LGALS1: variants seen among roughly 807,000 people sequenced by gnomAD.
The protein encoded by LGALS1 is galectin-1.
LGALS1 carries 14 observed loss-of-function variants against 14.4 expected under a neutral mutation model. The observed-to-expected ratio is 0.97, with a 90% CI of 0.64 to 1.52. The LOEUF (loss-of-function observed/expected upper bound fraction) is 1.52, where lower values mean the gene tolerates loss of function less well. LGALS1 is among the 40% of genes most tolerant of loss of function. The pLI is 0.00. For synonymous variants in LGALS1, 71 were observed against 73.4 expected (o/e 0.97, Z 0.17); for missense variants, 170 against 181.4 (o/e 0.94, Z 0.36).
In LGALS1 at chr22:37,678,555, C is replaced by T. The variant is rs11539854; in HGVS notation, c.162C>T (p.Gly54=). 33 of 1,613,502 alleles carry T rather than the reference C, an allele frequency of 2.0e-5. No individual in the cohort carries two copies. In the South Asian group the frequency reaches 2.9e-4, roughly 14 times the overall value. The change falls in exon 3 of 4, where the codon GGC becomes GGT. Residue 54 remains glycine (G), a synonymous_variant. Transcript: ENST00000215909. The part of the protein sequence containing the change: ...LHFNPRFNAH[G]DANTIVCNSK... ...TCAACCCTCGCTTCAACGCCCACGG[C>T]GACGCCAACACCATCGTGTGCAACA... is the stretch of plus-strand genomic sequence containing the variant.
In LGALS1 at chr22:37,677,137, G is replaced by A. The variant is rs549921061; in HGVS notation, c.89+72G>A. The A allele has an allele frequency of 1.6e-4, 232 of 1,435,244 alleles. No homozygotes were observed. In the African/African-American group the frequency reaches 2.9e-3, roughly 18 times the overall value. The allele number at this position is 1,435,244 out of a possible 1,614,324, so 88.9% of individuals were successfully genotyped here. A position where few individuals can be genotyped will look rare whatever the true frequency, so the allele number is the denominator to read the frequency against. On this transcript the variant is annotated intron_variant, in intron 2 of 3. Coordinates refer to ENST00000215909, the MANE Select transcript of LGALS1 (RefSeq NM_002305.4). ...CAGCAGGGAGGGCGTGGCCGGCCAA[G>A]CCCACATCTCCTCCCTGGCCGGGAG... is the stretch of plus-strand genomic sequence containing the variant.
At chr22:37,677,163 C>G in intron 2 of LGALS1, 98 bp downstream of exon 2, 2 of 1,199,378 alleles carry the variant, frequency 1.7e-6, no homozygotes, top group South Asian at 1.4e-5. Context: ...TGGCCGGGAG[C>G]GGGTTAACGG....
rs1267140401 is a variant in LGALS1 at position 37,678,483 on chromosome 22, C to G, written c.90C>G (p.Ser30Arg). 1.2e-6 allele frequency: 2 copies of G among 1,613,404 alleles called. No homozygotes were observed. Among genetic ancestry groups the G allele is most frequent in the East Asian group, 2.2e-5 (1 of 44,898 alleles). ...CTCATGCCCACCCGTTACCCCCCAG[C>G]TTCGTGCTGAACCTGGGCAAAGACA... ...VRGEVAPDAKSFVLNLGKDSN... is the reference protein window; with the variant it reads ...VRGEVAPDAKRFVLNLGKDSN... The change falls in exon 3 of 4, where the codon AGC becomes AGG. Residue 30 changes from serine to arginine, a missense_variant and splice_region_variant. Ser to Arg is a moderately radical substitution (Grantham distance 110). Coordinates refer to ENST00000215909, the MANE Select transcript of LGALS1 (RefSeq NM_002305.4).
chr22:37,679,201 G>A (rs1921547462), intron 3 of LGALS1, among the ~76,000 whole-genome samples: 1 of 149,892 alleles, frequency 6.7e-6, no homozygotes, highest in Admixed American at 6.7e-5. Context: ...GGAGACCAAA[G>A]TGGGTGGATC....
intron 2 of LGALS1, 81 bp downstream of exon 2, chr22:37,677,146 T>C (rs939135129): frequency 4.1e-5 from 56 of 1,357,348 alleles, no homozygotes; most frequent in Admixed American, 9.5e-5. Flanking sequence ...AGCCCACATC[T>C]CCTCCCTGGC....
At chr22:37,677,942 G>A (rs1375553535) in intron 2 of LGALS1, among the ~76,000 whole-genome samples, 1 of 151,792 alleles carries the variant, frequency 6.6e-6, no homozygotes, top group Non-Finnish European at 1.5e-5. Flanking sequence ...CCACCACAAC[G>A]CCCAGCTAAT....
At chr22:37,678,287 C>A in intron 2 of LGALS1, 196 bp from the exon 3 acceptor site, 1 of 714,766 alleles carries the variant, frequency 1.4e-6, no homozygotes, top group Admixed American at 2.0e-5. Flanking sequence ...CCTGTGCAGC[C>A]CCCATTGTAC....
At chr22:37,678,779 T>C (rs1207765031) in intron 3 of LGALS1, 125 bp downstream of exon 3, 13 of 912,896 alleles carry the variant, frequency 1.4e-5, no homozygotes, top group Non-Finnish European at 2.1e-5. Flanking sequence ...CCTTCCTGTG[T>C]GATGGCCAGT....
Position 37,678,113 on chromosome 22 carries a change from G to A in LGALS1, c.90-370G>A, listed in dbSNP as rs758041308. ...TATTATTATTATTATTTGTTAATTCGCCCCATAATTACTAAGCATCTTTTT... is the reference window on the plus strand; with the variant it reads ...TATTATTATTATTATTTGTTAATTCACCCCATAATTACTAAGCATCTTTTT... On this transcript the variant is annotated intron_variant, in intron 2 of 3. Transcript: ENST00000215909. Among the ~76,000 whole-genome samples, 95 of 152,170 alleles carry A rather than the reference G, an allele frequency of 6.2e-4. No homozygotes were observed. The Middle Eastern group carries it at 0.017, about 27-fold the overall frequency.
intron 2 of LGALS1, chr22:37,677,267 G>C: frequency 1.7e-6 from 1 of 594,156 alleles, no homozygotes; most frequent in East Asian, 2.8e-5. Context: ...CTCCCTCCCT[G>C]CTGTAGCCTC....
chr22:37,679,638 C>T lies in LGALS1; in HGVS notation c.297C>T (p.Val99=). 6.2e-7 allele frequency: 1 copy of T among 1,609,456 alleles called. No homozygotes were observed. Among genetic ancestry groups the T allele is most frequent in the Non-Finnish European group, 8.5e-7 (1 of 1,178,444 alleles). Residue 99 remains valine (V), a synonymous_variant, in exon 4 of 4, where the codon GTC becomes GTT. Coordinates refer to ENST00000215909, the MANE Select transcript of LGALS1 (RefSeq NM_002305.4). ...CCTTCGACCAGGCCAACCTGACCGT[C>T]AAGCTGCCAGATGGATACGAATTCA... ...CITFDQANLT[V]KLPDGYEFKF...
rs754295462 is a variant in LGALS1 at position 37,677,048 on chromosome 22, G to A, written c.72G>A (p.Val24=). The part of the protein sequence containing the change: ...PGECLRVRGE[V]APDAKSFVLN... ...AGTGCCTTCGAGTGCGAGGCGAGGT[G>A]GCTCCTGACGCTAAGAGGTGAGAAG... is the stretch of plus-strand genomic sequence containing the variant. The change falls in exon 2 of 4, where the codon GTG becomes GTA. Residue 24 remains valine, a synonymous_variant. Transcript: ENST00000215909. 2 of 1,613,940 alleles carry A rather than the reference G, an allele frequency of 1.2e-6. No homozygotes were observed. The highest frequency in any genetic ancestry group is 2.7e-5 in the African/African-American group (2 of 74,932).
At chr22:37,676,891 G>T in intron 1 of LGALS1, 95 bp from the exon 2 acceptor site, 1 of 1,277,460 alleles carries the variant, frequency 7.8e-7, no homozygotes, top group South Asian at 1.2e-5. Context: ...TGCCGGGCGG[G>T]AACAACCCCA....
chr22:37,679,424 C>T (rs929125086), intron 3 of LGALS1, among the ~76,000 whole-genome samples, 179 bp from the exon 4 acceptor site: 7 of 144,496 alleles, frequency 4.8e-5, no homozygotes, highest in African/African-American at 1.5e-4. Flanking sequence ...GAGGAGACTC[C>T]ATCTCAAAAA....
chr22:37,679,701 C>T lies in LGALS1; in HGVS notation c.360C>T (p.Tyr120=). ...PNRLNLEAIN[Y]MAADGDFKIK... ...GCCTCAACCTGGAGGCCATCAACTA[C>T]ATGGCAGCTGACGGTGACTTCAAGA... Residue 120 remains tyrosine (Y), a synonymous_variant, in exon 4 of 4, where the codon TAC becomes TAT. Coordinates refer to ENST00000215909, the MANE Select transcript of LGALS1 (RefSeq NM_002305.4). The T allele has an allele frequency of 6.2e-7, 1 of 1,610,090 alleles. No individual in the cohort carries two copies. The highest frequency in any genetic ancestry group is 1.1e-5 in the South Asian group (1 of 90,104).
chr22:37,678,694 T>C, intron 3 of LGALS1, 40 bp downstream of exon 3: 1 of 136,626 alleles, frequency 7.3e-6, no homozygotes, highest in Non-Finnish European at 1.4e-5. Context: ...GGACAGGGGC[T>C]GGGTGGGCTG....
chr22:37,679,780 C>A lies in LGALS1; in HGVS notation c.*31C>A, dbSNP rs1201623016. On this transcript the variant is annotated 3_prime_UTR_variant, in exon 4 of 4. Coordinates refer to ENST00000215909, the MANE Select transcript of LGALS1 (RefSeq NM_002305.4). ...GCCAGCCCATGGCCCCCAATAAAGG[C>A]AGCTGCCTCTGCTCCCTCTGAACCA... The A allele has an allele frequency of 1.4e-5, 22 of 1,560,540 alleles. No homozygotes were observed. The highest frequency in any genetic ancestry group is 1.7e-5 in the Non-Finnish European group (20 of 1,148,886).
chr22:37,677,516 C>T lies in LGALS1; in HGVS notation c.89+451C>T, dbSNP rs189441737. ...CACTCAGACGGCTGCCTTATTTTCTCGGCAGTTAGGTGACCTTGGACCAGT... is the reference window on the plus strand; with the variant it reads ...CACTCAGACGGCTGCCTTATTTTCTTGGCAGTTAGGTGACCTTGGACCAGT... On this transcript the variant is annotated intron_variant, in intron 2 of 3. Coordinates refer to ENST00000215909, the MANE Select transcript of LGALS1 (RefSeq NM_002305.4). The T allele has an allele frequency of 1.8e-3, 325 of 185,180 alleles. 9 individuals are homozygous for T. In the Admixed American group the frequency reaches 0.018, roughly 10 times the overall value. The allele number at this position is 185,180 out of a possible 1,614,324, so 11.5% of individuals were successfully genotyped here.
At chr22:37,677,661 T>G (rs12157867) in intron 2 of LGALS1, 31 of 154,500 alleles carry the variant, frequency 2.0e-4, no homozygotes, top group African/African-American at 7.0e-4. Context: ...CTGATATTGT[T>G]AAGAGCCGCA....
Sources: allele counts gnomAD v4.1 joint callset (sites outside exome capture counted in the v4.1 genomes callset), GRCh38; gene constraint gnomAD v4.1.1; transcripts MANE v1.5; gene names NCBI Gene and HGNC (gene_info 2026-07-23, HGNC 2026-07-21).